The following PTPRD variants were observed in gnomAD, a reference collection of about 807,000 sequenced individuals.
PTPRD encodes protein tyrosine phosphatase receptor type D, also known as receptor-type tyrosine-protein phosphatase delta.
A neutral mutation model predicts 214.5 loss-of-function variants in PTPRD; 34 were observed. The observed-to-expected ratio is 0.16, with a 90% CI of 0.12 to 0.21. PTPRD has a LOEUF of 0.21. Ranked by LOEUF, PTPRD falls within the 10% of genes least tolerant of loss-of-function variation. PTPRD has a pLI of 1.00. For missense variants in PTPRD, 2,545 were observed against 2,398.7 expected, an observed-to-expected ratio of 1.06 and a Z score of -1.27; for synonymous variants, 1,128 against 845.7, an observed-to-expected ratio of 1.33 and a Z score of -5.79.
At chr9:8,625,939 TTG>T (rs2096015929) in intron 14 of PTPRD, among the ~76,000 whole-genome samples, 1 of 151,682 alleles carries the variant, frequency 6.6e-6, no homozygotes, top group Non-Finnish European at 1.5e-5. Context: ...GTCATCATAG[TTG>T]TGTTTAATGT....
At chr9:10,087,488 T>C (rs2098363624) in intron 3 of PTPRD, among the ~76,000 whole-genome samples, 2 of 151,726 alleles carry the variant, frequency 1.3e-5, no homozygotes, top group South Asian at 4.1e-4. Context: ...TTATCCATTA[T>C]ATCACTACAA....
chr9:9,127,716 A>G (rs1316847500), intron 10 of PTPRD, among the ~76,000 whole-genome samples: 1 of 152,196 alleles, frequency 6.6e-6, no homozygotes, highest in Non-Finnish European at 1.5e-5. Flanking sequence ...GTAAATTTAT[A>G]TATACATGTA....
In PTPRD at chr9:9,751,943, G is replaced by C. The variant is rs376458777; in HGVS notation, c.-326+14867C>G. Among the ~76,000 whole-genome samples the C allele has an allele frequency of 3.1e-3, 471 of 152,182 alleles. 2 individuals are homozygous for C. Among genetic ancestry groups the C allele is most frequent in the African/African-American group, 0.011 (447 of 41,538 alleles). ...TCTTAATAAATTAATATTAAAAATA[G>C]TAACAGTGGTGGGATATTTTGAAAC... On this transcript the variant is annotated intron_variant, in intron 6 of 45. Transcript: ENST00000381196.
chr9:8,990,417 C>G (rs1454847075), intron 11 of PTPRD, among the ~76,000 whole-genome samples: 1 of 152,146 alleles, frequency 6.6e-6, no homozygotes, highest in Non-Finnish European at 1.5e-5. Flanking sequence ...CTGAACTTAT[C>G]AACTGTGTAG....
chr9:9,504,436 T>G (rs1046066501), intron 8 of PTPRD, among the ~76,000 whole-genome samples: 1 of 151,656 alleles, frequency 6.6e-6, no homozygotes, highest in Admixed American at 6.6e-5. Context: ...ATTCCAAATG[T>G]ATCTTAAGCC....
chr9:10,333,920 T>G (rs997129631), intron 3 of PTPRD, among the ~76,000 whole-genome samples: 2 of 151,810 alleles, frequency 1.3e-5, no homozygotes, highest in African/African-American at 2.4e-5. Context: ...TTTCTGTTGT[T>G]GAAGAAAATT....
intron 5 of PTPRD, among the ~76,000 whole-genome samples, chr9:9,810,690 G>T (rs2046871431): frequency 1.3e-5 from 2 of 151,802 alleles, no homozygotes; most frequent in South Asian, 4.2e-4. Context: ...TCTGATGAAG[G>T]TATAAAGGAT....
intron 3 of PTPRD, among the ~76,000 whole-genome samples, chr9:10,063,828 GAAAAACAAAAACA>G (rs2097825684): frequency 6.6e-6 from 1 of 151,786 alleles, no homozygotes; most frequent in Non-Finnish European, 1.5e-5. Context: ...CAGTACTGGG[GAAAAACAAAAACA>G]AAAAACAAAA....
At chr9:9,616,585 T>C (rs1204382660) in intron 7 of PTPRD, among the ~76,000 whole-genome samples, 2 of 152,282 alleles carry the variant, frequency 1.3e-5, no homozygotes, top group East Asian at 1.9e-4. Context: ...TGACTTCTGA[T>C]CTTATTCGTG....
chr9:8,771,162 C>A (rs1183628079), intron 11 of PTPRD, among the ~76,000 whole-genome samples: 20 of 132,180 alleles, frequency 1.5e-4, no homozygotes, highest in Non-Finnish European at 2.9e-4. Context: ...GCCTGGGCGA[C>A]AGAGCAAGAT....
chr9:9,091,341 G>A (rs565886655), intron 10 of PTPRD: 30 of 761,188 alleles, frequency 3.9e-5, no homozygotes, highest in South Asian at 1.9e-4. Context: ...AAATAGCTGC[G>A]TATTTTTCTG....
intron 3 of PTPRD, among the ~76,000 whole-genome samples, chr9:10,109,389 T>G (rs1445951801): frequency 1.3e-5 from 2 of 152,162 alleles, no homozygotes; most frequent in East Asian, 3.9e-4. Flanking sequence ...ATAAAAGCTG[T>G]CAAGTTGTTT....
At chr9:8,448,375 C>G (rs1295894106) in intron 34 of PTPRD, among the ~76,000 whole-genome samples, 1 of 152,012 alleles carries the variant, frequency 6.6e-6, no homozygotes, top group South Asian at 2.1e-4. Flanking sequence ...AAGAAGTTGC[C>G]TATAGGCTGA....
intron 39 of PTPRD, among the ~76,000 whole-genome samples, chr9:8,359,642 G>T (rs2077959462): frequency 6.6e-6 from 1 of 152,052 alleles, no homozygotes; most frequent in Admixed American, 6.5e-5. Flanking sequence ...CCAGCTATTT[G>T]AATTTTTAAA....
At chr9:10,528,155 T>C (rs918911437) in intron 2 of PTPRD, among the ~76,000 whole-genome samples, 1 of 151,974 alleles carries the variant, frequency 6.6e-6, no homozygotes, top group Non-Finnish European at 1.5e-5. Flanking sequence ...TGCTCTAAAT[T>C]CCTCCAGAAG....
At chr9:8,491,626 AG>A (rs1238361089) in intron 27 of PTPRD, among the ~76,000 whole-genome samples, 1 of 150,214 alleles carries the variant, frequency 6.7e-6, no homozygotes, top group Non-Finnish European at 1.5e-5. Context: ...CCTGCTCTTC[AG>A]GGCATTAAAT....
intron 2 of PTPRD, among the ~76,000 whole-genome samples, chr9:10,380,270 A>T (rs946607498): frequency 1.3e-5 from 2 of 152,092 alleles, no homozygotes; most frequent in African/African-American, 2.4e-5. Context: ...ACGCTTTGCT[A>T]TGCAAACTTA....
At chr9:8,630,834 T>C (rs2096230514) in intron 14 of PTPRD, among the ~76,000 whole-genome samples, 1 of 151,892 alleles carries the variant, frequency 6.6e-6, no homozygotes, top group South Asian at 2.1e-4. Flanking sequence ...AAAGTGATAT[T>C]TTGCTCCAAT....
intron 8 of PTPRD, among the ~76,000 whole-genome samples, chr9:9,495,422 T>A (rs774319280): frequency 2.0e-5 from 3 of 151,994 alleles, no homozygotes; most frequent in Admixed American, 6.6e-5. Context: ...CCCAATTGGT[T>A]CTTTCTGAAT....
Sources: allele counts gnomAD v4.1 joint callset (sites outside exome capture counted in the v4.1 genomes callset), GRCh38; gene constraint gnomAD v4.1.1; transcripts MANE v1.5; gene names NCBI Gene and HGNC (gene_info 2026-07-23, HGNC 2026-07-21).